PPM1H: variants seen among roughly 807,000 people sequenced by gnomAD.
PPM1H encodes protein phosphatase 1H.
PPM1H carries 27 observed loss-of-function variants against 54.9 expected under a neutral mutation model. That is an observed-to-expected ratio of 0.49 (90% CI 0.36 to 0.68). The LOEUF is 0.68. Among genes scored for constraint, PPM1H ranks in the 30% least tolerant of loss-of-function variants. The pLI is 0.00. For missense variants in PPM1H, 596 were observed against 667.8 expected (o/e 0.89, Z 1.19); for synonymous variants, 305 against 270.8 (o/e 1.13, Z -1.24).
chr12:62,934,378 C>T lies in PPM1H; in HGVS notation c.245+114G>A. ...AAAGAGCTCCCCGCCGAGGCCTGGA[C>T]GCCGGCAGCTAGTGAGAGCCCTGAG... On this transcript the variant is annotated intron_variant, in intron 1 of 9. Transcript: ENST00000228705. This position sits in a 1 kb window ranked among gnomAD's most constrained non-coding sequence, Gnocchi z 4.2. 7.5e-7 allele frequency: 1 copy of T among 1,341,010 alleles called. No individual in the cohort carries two copies. Among genetic ancestry groups the T allele is most frequent in the Non-Finnish European group, 9.7e-7 (1 of 1,029,274 alleles). 83.1% of individuals were successfully genotyped at this position (1,341,010 alleles called of 1,614,324 possible).
intron 1 of PPM1H, among the ~76,000 whole-genome samples, chr12:62,931,941 G>A (rs1872148833): frequency 6.6e-6 from 1 of 152,096 alleles, no homozygotes; most frequent in South Asian, 2.1e-4. Context: ...TGCTTAGTAT[G>A]AGTCTATTTT....
chr12:62,812,210 T>A (rs2076839877), intron 2 of PPM1H, among the ~76,000 whole-genome samples: 1 of 152,228 alleles, frequency 6.6e-6, no homozygotes, highest in Non-Finnish European at 1.5e-5. Context: ...ATTGCTCAAA[T>A]GTTTCGGCAA....
intron 4 of PPM1H, among the ~76,000 whole-genome samples, chr12:62,761,450 T>C (rs1009639055): frequency 6.6e-6 from 1 of 152,216 alleles, no homozygotes; most frequent in Non-Finnish European, 1.5e-5. Flanking sequence ...GCAATTTTTC[T>C]TTTTTGCCTG....
chr12:62,655,445 G>A (rs943575933), intron 9 of PPM1H, among the ~76,000 whole-genome samples: 9 of 152,168 alleles, frequency 5.9e-5, no homozygotes, highest in South Asian at 2.1e-4. Context: ...TTACATCAGG[G>A]ATCCCTGGGT....
chr12:62,823,583 G>T (rs1480740897), intron 2 of PPM1H, among the ~76,000 whole-genome samples: 2 of 152,156 alleles, frequency 1.3e-5, no homozygotes, highest in African/African-American at 4.8e-5. Flanking sequence ...GGGATGCAAG[G>T]CTTGTTCAAC....
intron 1 of PPM1H, among the ~76,000 whole-genome samples, chr12:62,914,390 G>C (rs927793510): frequency 4.6e-5 from 7 of 152,160 alleles, no homozygotes; most frequent in Non-Finnish European, 1.0e-4. Flanking sequence ...CTAGCCTTTG[G>C]TATTCCTTTA....
chr12:62,732,416 T>C (rs760276673), intron 5 of PPM1H, among the ~76,000 whole-genome samples: 1 of 152,196 alleles, frequency 6.6e-6, no homozygotes, highest in Non-Finnish European at 1.5e-5. Flanking sequence ...AACATTCCTC[T>C]TTGATGTGGA....
intron 4 of PPM1H, among the ~76,000 whole-genome samples, chr12:62,779,327 G>A (rs900276735): frequency 2.6e-5 from 4 of 152,152 alleles, no homozygotes; most frequent in Non-Finnish European, 4.4e-5. Flanking sequence ...GATTACAGGC[G>A]TGAGCCACTG....
chr12:62,730,714 C>T (rs2076316652), intron 5 of PPM1H, among the ~76,000 whole-genome samples: 1 of 151,832 alleles, frequency 6.6e-6, no homozygotes, highest in Non-Finnish European at 1.5e-5. Context: ...AAAATCTCCT[C>T]AGATTATATG....
In PPM1H at chr12:62,648,582, G is replaced by A. The variant is rs2075799271; in HGVS notation, c.1452C>T (p.Asp484=). The part of the protein sequence containing the change: ...LVMRARGVLK[D]RGWRISNDRL... ...GGTCATTAGATATCCGCCATCCTCT[G>A]TCCTTCAGCACACCCCGGGCACGCA... Residue 484 remains aspartate (D), a synonymous_variant, in exon 10 of 10, where the codon GAC becomes GAT. Coordinates refer to ENST00000228705, the MANE Select transcript of PPM1H (RefSeq NM_020700.2). 1.2e-6 allele frequency: 2 copies of A among 1,613,798 alleles called. No individual in the cohort carries two copies. The highest frequency in any genetic ancestry group is 1.7e-5 in the Admixed American group (1 of 59,992).
At chr12:62,853,454 A>C (rs1424833175) in intron 1 of PPM1H, among the ~76,000 whole-genome samples, 1 of 152,262 alleles carries the variant, frequency 6.6e-6, no homozygotes, top group Non-Finnish European at 1.5e-5. Flanking sequence ...GTGAAAACAT[A>C]TGTAAAATTC....
chr12:62,826,255 G>A (rs1310328320), intron 2 of PPM1H, among the ~76,000 whole-genome samples: 1 of 152,184 alleles, frequency 6.6e-6, no homozygotes, highest in Non-Finnish European at 1.5e-5. Context: ...TTCAAGACCA[G>A]CCTGGCCAAC....
At chr12:62,917,216 AGCTGCTTTCTGCG>A (rs754111832) in intron 1 of PPM1H, among the ~76,000 whole-genome samples, 13 of 152,386 alleles carry the variant, frequency 8.5e-5, no homozygotes, top group Non-Finnish European at 1.8e-4. Context: ...CATCAAGTGC[AGCTGCTTTCTGCG>A]GCAATTTAAC....
intron 2 of PPM1H, among the ~76,000 whole-genome samples, chr12:62,819,474 ATTATAAG>A (rs2076889362): frequency 3.9e-5 from 6 of 152,302 alleles, no homozygotes; most frequent in East Asian, 1.9e-4. Context: ...TTGTTTCTGT[ATTATAAG>A]TTATATCACT....
At chr12:62,783,266 A>G (rs774573296) in intron 4 of PPM1H, among the ~76,000 whole-genome samples, 3 of 152,236 alleles carry the variant, frequency 2.0e-5, no homozygotes, top group Non-Finnish European at 4.4e-5. Context: ...TCTTGTCAAC[A>G]ACTGCAGTGC....
At chr12:62,680,077 C>T (rs1320209308) in intron 8 of PPM1H, among the ~76,000 whole-genome samples, 1 of 152,186 alleles carries the variant, frequency 6.6e-6, no homozygotes, top group Non-Finnish European at 1.5e-5. Flanking sequence ...ATTCCCCTAA[C>T]TTCAAACATG....
At chr12:62,815,362 TTTAG>T (rs2076860308) in intron 2 of PPM1H, among the ~76,000 whole-genome samples, 1 of 152,186 alleles carries the variant, frequency 6.6e-6, no homozygotes, top group African/African-American at 2.4e-5. Flanking sequence ...GCAGGATAGG[TTTAG>T]TAAGTTTGAC....
rs1213253345 is a variant in PPM1H at position 62,802,419 on chromosome 12, A to G, written c.412-259T>C. ...TGAAGCGGTCTCTGCCTCCCCACCTAGCAAGGGAGCCCAAATGATCATACA... is the reference window on the plus strand; with the variant it reads ...TGAAGCGGTCTCTGCCTCCCCACCTGGCAAGGGAGCCCAAATGATCATACA... On this transcript the variant is annotated intron_variant, in intron 2 of 9. Coordinates refer to ENST00000228705, the MANE Select transcript of PPM1H (RefSeq NM_020700.2). Among the ~76,000 whole-genome samples, 3 of 152,158 alleles carry G rather than the reference A, an allele frequency of 2.0e-5. No individual in the cohort carries two copies. The East Asian group carries it at 5.8e-4, about 29-fold the overall frequency.
chr12:62,830,502 G>C (rs997837320), intron 2 of PPM1H, among the ~76,000 whole-genome samples: 2 of 152,116 alleles, frequency 1.3e-5, no homozygotes, highest in Non-Finnish European at 2.9e-5. Context: ...TGATCTGCCC[G>C]CCTTGGCCTC....
Sources: gnomAD v4.1 joint callset for allele counts (sites outside exome capture counted in the v4.1 genomes callset) on GRCh38, gnomAD v4.1.1 for gene constraint, Gnocchi (gnomAD v3.1) non-coding constraint, MANE v1.5 for transcripts, NCBI Gene and HGNC (gene_info 2026-07-23, HGNC 2026-07-21) for gene names.